The following GALNT17 variants were observed in gnomAD, a reference collection of about 807,000 sequenced individuals.
GALNT17 encodes the protein UDP-GalNAc:polypeptide N-acetylgalactosaminyltransferase-like 3.
GALNT17 carries 29 observed loss-of-function variants against 63.7 expected under a neutral mutation model. The ratio of observed to expected loss-of-function variants is 0.46; its 90% CI spans 0.34 to 0.62. The LOEUF (loss-of-function observed/expected upper bound fraction) is 0.62, where lower values mean the gene tolerates loss of function less well. GALNT17 is among the 20% of genes least tolerant of loss of function. The pLI, the probability that GALNT17 is intolerant of heterozygous loss-of-function variation, is 0.01. For synonymous variants in GALNT17, 305 were observed against 318.3 expected (o/e 0.96, Z 0.45); for missense variants, 603 against 799.6 (o/e 0.75, Z 2.97).
rs1409352632 is a variant in GALNT17, at chr7:71,296,212, A to G, written c.239-39338A>G. Among the ~76,000 whole-genome samples, 5 of 152,096 alleles carry G rather than the reference A, an allele frequency of 3.3e-5. No individual in the cohort carries two copies. In the South Asian group the frequency reaches 8.3e-4, roughly 25 times the overall value. The stretch of plus-strand genomic sequence containing the variant: ...GCAGTTCTTGATCCTATCTATCTCT[A>G]TTTATCAGAGGCAAGAATGAAGTAG... On this transcript the variant is annotated intron_variant, in intron 1 of 10. Transcript: ENST00000333538.
At chr7:71,195,310 G>T (rs1032568016) in intron 1 of GALNT17, among the ~76,000 whole-genome samples, 1 of 152,078 alleles carries the variant, frequency 6.6e-6, no homozygotes, top group Admixed American at 6.5e-5. Flanking sequence ...CGACCTCCTG[G>T]CCTCAGGAGA....
intron 1 of GALNT17, among the ~76,000 whole-genome samples, chr7:71,282,885 G>A (rs1790802429): frequency 6.6e-6 from 1 of 152,038 alleles, no homozygotes; most frequent in Admixed American, 6.5e-5. Flanking sequence ...AGGAGGGAAG[G>A]AGTGCTAGGC....
intron 2 of GALNT17, among the ~76,000 whole-genome samples, chr7:71,351,812 A>G (rs1792193676): frequency 6.6e-6 from 1 of 152,158 alleles, no homozygotes. Flanking sequence ...AGCCTAGGGA[A>G]CAGATATTAA....
intron 9 of GALNT17, among the ~76,000 whole-genome samples, chr7:71,699,529 T>C (rs1233597790): frequency 1.3e-5 from 2 of 150,686 alleles, no homozygotes; most frequent in African/African-American, 2.4e-5. Context: ...GAGTGAAATG[T>C]TGAATTAAAA....
In GALNT17 at chr7:71,398,972, C is replaced by T. The variant is rs1474652178; in HGVS notation, c.589+10571C>T. Among the ~76,000 whole-genome samples, 4 of 152,272 alleles carry T rather than the reference C, an allele frequency of 2.6e-5. No homozygotes were observed. The East Asian group carries it at 7.7e-4, about 29-fold the overall frequency. On this transcript the variant is annotated intron_variant, in intron 3 of 10. Coordinates refer to ENST00000333538, the MANE Select transcript of GALNT17 (RefSeq NM_022479.3). ...TGGGGGCTGGACGTGGTGGCTCACG[C>T]CTGTAATCCCAGCACTTTGGGAGGC...
chr7:71,541,217 T>C (rs1355276938), intron 5 of GALNT17, among the ~76,000 whole-genome samples: 1 of 144,234 alleles, frequency 6.9e-6, no homozygotes, highest in Non-Finnish European at 1.5e-5. Context: ...GCACTCCAGC[T>C]GGGCAACAAA....
intron 3 of GALNT17, among the ~76,000 whole-genome samples, chr7:71,407,502 CT>C (rs2116407274): frequency 6.6e-6 from 1 of 152,340 alleles, no homozygotes. Flanking sequence ...AATCCCAGCA[CT>C]TTGGGAGGCT....
intron 5 of GALNT17, among the ~76,000 whole-genome samples, chr7:71,554,225 G>A (rs66900051): frequency 0.33 from 49,428 of 152,046 alleles, 8,820 homozygotes; most frequent in Middle Eastern, 0.41. Context: ...GGACCCAGTG[G>A]GAGGTAGTTG....
chr7:71,372,710 T>G (rs1050828878), intron 2 of GALNT17, among the ~76,000 whole-genome samples: 2 of 152,244 alleles, frequency 1.3e-5, no homozygotes, highest in African/African-American at 4.8e-5. Flanking sequence ...TTGCCTCTGC[T>G]TCTCCAAGTG....
At chr7:71,417,645 C>G (rs1267869363) in intron 4 of GALNT17, among the ~76,000 whole-genome samples, 1 of 152,150 alleles carries the variant, frequency 6.6e-6, no homozygotes, top group African/African-American at 2.4e-5. Flanking sequence ...CCAGAGGACT[C>G]TGATGCATGC....
At chr7:71,619,202 G>T (rs926870466) in intron 6 of GALNT17, among the ~76,000 whole-genome samples, 4 of 152,140 alleles carry the variant, frequency 2.6e-5, no homozygotes, top group African/African-American at 9.7e-5. Context: ...TGGCTTTGTA[G>T]TATAGTTTGA....
At chr7:71,382,701 G>A (rs977357550) in intron 2 of GALNT17, among the ~76,000 whole-genome samples, 5 of 152,112 alleles carry the variant, frequency 3.3e-5, no homozygotes, top group African/African-American at 4.8e-5. Context: ...GTGTGACACC[G>A]CAATCTGGTG....
intron 9 of GALNT17, among the ~76,000 whole-genome samples, chr7:71,707,271 G>A (rs889919290): frequency 6.6e-6 from 1 of 152,156 alleles, no homozygotes; most frequent in Admixed American, 6.5e-5. Flanking sequence ...CACTTGGTCT[G>A]TGATTTGCTC....
chr7:71,443,961 G>A (rs1421568877), intron 5 of GALNT17, among the ~76,000 whole-genome samples: 5 of 152,080 alleles, frequency 3.3e-5, no homozygotes, highest in Admixed American at 1.3e-4. Context: ...TTTTGACCTC[G>A]GGTGATCTGC....
chr7:71,678,667 C>T (rs1358414717), intron 9 of GALNT17, among the ~76,000 whole-genome samples: 7 of 151,708 alleles, frequency 4.6e-5, no homozygotes, highest in South Asian at 4.2e-4. Flanking sequence ...TGGTGGTGGG[C>T]GCCTGTAGTC....
intron 5 of GALNT17, among the ~76,000 whole-genome samples, chr7:71,423,171 G>T (rs757417257): frequency 4.6e-5 from 7 of 152,182 alleles, no homozygotes; most frequent in Admixed American, 2.6e-4. Flanking sequence ...TTTTCAGTGC[G>T]AAAACAGAAA....
intron 9 of GALNT17, among the ~76,000 whole-genome samples, chr7:71,706,051 T>A (rs943017103): frequency 3.9e-5 from 6 of 152,172 alleles, no homozygotes; most frequent in Non-Finnish European, 8.8e-5. Context: ...ACCTGCCTCA[T>A]GGTAGAAAAG....
chr7:71,649,420 T>C (rs1203133307), intron 6 of GALNT17, among the ~76,000 whole-genome samples: 3 of 151,928 alleles, frequency 2.0e-5, no homozygotes, highest in Non-Finnish European at 4.4e-5. Context: ...CCTCAAAAGG[T>C]TTGGGATGGA....
chr7:71,376,112 T>A (rs1442288429), intron 2 of GALNT17, among the ~76,000 whole-genome samples: 1 of 129,632 alleles, frequency 7.7e-6, no homozygotes, highest in Non-Finnish European at 1.7e-5. Context: ...AAAAAAAGAA[T>A]CTTACTGGCC....
Sources: allele counts gnomAD v4.1 joint callset (sites outside exome capture counted in the v4.1 genomes callset), GRCh38; gene constraint gnomAD v4.1.1; transcripts MANE v1.5; gene names NCBI Gene and HGNC (gene_info 2026-07-23, HGNC 2026-07-21).